Variants in C9orf78 observed in about 807,000 individuals in gnomAD.
C9orf78 encodes splicing factor C9orf78.
C9orf78 carries 19 observed loss-of-function variants against 37.4 expected under a neutral mutation model. That is an observed-to-expected ratio of 0.51 (90% CI 0.35 to 0.74). The LOEUF (loss-of-function observed/expected upper bound fraction) is 0.74, where lower values mean the gene tolerates loss of function less well. Among genes scored for constraint, C9orf78 ranks in the 30% least tolerant of loss-of-function variants. The probability of loss-of-function intolerance (pLI) is 0.01; values close to 1 mark genes in which losing one functional copy is unlikely to be tolerated. For missense variants in C9orf78, 291 were observed against 370.8 expected (o/e 0.78, Z 1.77); for synonymous variants, 130 against 128.0 (o/e 1.02, Z -0.10).
chr9:129,832,023 G>A (rs1489362025), intron 4 of C9orf78, 50 bp from the exon 5 acceptor site: 3 of 859,130 alleles, frequency 3.5e-6, no homozygotes, highest in African/African-American at 1.6e-5. Context: ...AACTCAATGA[G>A]GCTGAGTTTT....
At position 129,828,304 on chromosome 9, in the gene C9orf78, T is replaced by A. The variant is rs772993250; in HGVS notation, c.779-52A>T. 5.7e-6 allele frequency: 6 copies of A among 1,050,836 alleles called. No individual in the cohort carries two copies. In the African/African-American group the frequency reaches 9.4e-5, roughly 16 times the overall value. The allele number at this position is 1,050,836 out of a possible 1,614,324, so 65.1% of individuals were successfully genotyped here. On this transcript the variant is annotated intron_variant, in intron 8 of 8. Coordinates refer to ENST00000372447, the MANE Select transcript of C9orf78 (RefSeq NM_016520.3). ...GGTTTGCCATGCTGGAACCCACTGC[T>A]AGACTTTACTCCATGCAGGCAAAGA...
intron 5 of C9orf78, chr9:129,831,595 T>G: frequency 3.5e-6 from 1 of 282,168 alleles, no homozygotes; most frequent in South Asian, 4.2e-5. Context: ...CAGCTAATTT[T>G]GTATTTTCAG....
rs1159012011 is a variant in C9orf78, at chr9:129,830,812, T to C, written c.542+59A>G. The C allele has an allele frequency of 6.5e-6, 8 of 1,229,940 alleles. No homozygotes were observed. The Admixed American group carries it at 8.5e-5, about 13-fold the overall frequency. 76.2% of individuals were successfully genotyped at this position (1,229,940 alleles called of 1,614,324 possible). ...GGCATGAGCCACCGTGCCTGGCCTG[T>C]CCCCCATAACTTTTAACTGGAAAGC... On this transcript the variant is annotated intron_variant, in intron 6 of 8. Coordinates refer to ENST00000372447, the MANE Select transcript of C9orf78 (RefSeq NM_016520.3).
chr9:129,833,807 G>T, intron 2 of C9orf78, 98 bp from the exon 3 acceptor site: 2 of 800,616 alleles, frequency 2.5e-6, no homozygotes, highest in Non-Finnish European at 4.1e-6. Context: ...TGCAACATTA[G>T]TGCAAGGGTG....
At position 129,835,186 on chromosome 9, in the gene C9orf78, C is replaced by G; in HGVS notation, c.36G>C (p.Arg12=). Residue 12 remains arginine (R), a synonymous_variant, in exon 1 of 9, where the codon CGG becomes CGC. Transcript: ENST00000372447. The stretch of plus-strand genomic sequence containing the variant: ...CATCTTCCTCTGACTCCGAGTCGCC[C>G]CGGCGGCGACGGAAAATCTTCCGGA... The part of the protein sequence containing the change: ...PVVRKIFRRR[R]GDSESEEDEQ... 2 of 1,610,430 alleles carry G rather than the reference C, an allele frequency of 1.2e-6. No individual in the cohort carries two copies. The highest frequency in any genetic ancestry group is 1.7e-6 in the Non-Finnish European group (2 of 1,178,900).
At chr9:129,833,791 G>T in intron 2 of C9orf78, 82 bp from the exon 3 acceptor site, 1 of 971,358 alleles carries the variant, frequency 1.0e-6, no homozygotes, top group Non-Finnish European at 1.6e-6. Context: ...TCTCAGGTAT[G>T]CGGATTGCAA....
chr9:129,829,045 G>GA, intron 8 of C9orf78, 160 bp downstream of exon 8: 1 of 701,388 alleles, frequency 1.4e-6, no homozygotes, highest in South Asian at 1.5e-5. Context: ...CTGAGGCTTA[G>GA]AAAGGGGAAG....
At chr9:129,832,977 G>A (rs1484880654) in intron 4 of C9orf78, among the ~76,000 whole-genome samples, 2 of 147,694 alleles carry the variant, frequency 1.4e-5, no homozygotes, top group Admixed American at 1.4e-4. Context: ...ATATATATAT[G>A]CGTGTGTGTA....
At chr9:129,829,686 G>T in intron 6 of C9orf78, 145 bp from the exon 7 acceptor site, 1 of 679,422 alleles carries the variant, frequency 1.5e-6, no homozygotes, top group Non-Finnish European at 2.5e-6. Flanking sequence ...CACACTTGTA[G>T]TCACATTCTC....
rs1487844332 is a variant in C9orf78, at chr9:129,827,702, T to G, written c.*459A>C. 6.6e-6 allele frequency: 1 copy of G among 152,032 alleles called. No individual in the cohort carries two copies. The highest frequency in any genetic ancestry group is 2.4e-5 in the African/African-American group (1 of 41,360). The allele number at this position is 152,032 out of a possible 1,614,324, so 9.4% of individuals were successfully genotyped here. A position where few individuals can be genotyped will look rare whatever the true frequency, so the allele number is the denominator to read the frequency against. On this transcript the variant is annotated 3_prime_UTR_variant, in exon 9 of 9. Transcript: ENST00000372447. ...GTGCTTGAAAAATCCAGCAGGTAAG[T>G]AGAAGGACTAACAGGGTCTGTTTCT...
chr9:129,833,887 C>T (rs891773357), intron 2 of C9orf78, 178 bp from the exon 3 acceptor site: 46 of 598,662 alleles, frequency 7.7e-5, no homozygotes, highest in Middle Eastern at 4.5e-4. Context: ...CAACGAGCAC[C>T]GCAGATGCTG....
intron 2 of C9orf78, 35 bp from the exon 3 acceptor site, chr9:129,833,744 G>A: frequency 1.3e-6 from 2 of 1,510,350 alleles, no homozygotes; most frequent in East Asian, 2.3e-5. Context: ...GAGGGGGAGA[G>A]AGAGAAATGG....
intron 5 of C9orf78, chr9:129,831,680 T>C: frequency 2.0e-6 from 1 of 496,136 alleles, no homozygotes; most frequent in East Asian, 3.6e-5. Flanking sequence ...TGCCTCGGCC[T>C]CCCAAAGTGC....
chr9:129,835,028 A>C (rs1588227628), intron 1 of C9orf78, 111 bp downstream of exon 1: 1 of 918,610 alleles, frequency 1.1e-6, no homozygotes, highest in Non-Finnish European at 1.7e-6. Flanking sequence ...CGCAGAAGGA[A>C]CCACCACCCG....
Position 129,833,680 on chromosome 9 carries a change from A to G in C9orf78, c.173T>C (p.Val58Ala), listed in dbSNP as rs1435479483. 8.7e-6 allele frequency: 14 copies of G among 1,612,154 alleles called. No homozygotes were observed. The highest frequency in any genetic ancestry group is 1.2e-5 in the Non-Finnish European group (14 of 1,178,734). ...TACCACTAGAGTGGTCTCCTCTTGT[A>G]CCTTCTCTCCCACCAGCAAGGCCAC... Reference protein sequence around the residue: ...SAVALLVGEKVQEETTLVDDP... With the variant: ...SAVALLVGEKAQEETTLVDDP... Residue 58 changes from valine to alanine, a missense_variant, in exon 3 of 9, where the codon GTA (valine) becomes GCA (alanine). Val to Ala is a moderately conservative substitution (Grantham distance 64). This residue lies in a region of C9orf78 where 158 missense variants were observed against 174.8 expected (regional missense o/e 0.90). Coordinates refer to ENST00000372447, the MANE Select transcript of C9orf78 (RefSeq NM_016520.3).
chr9:129,830,635 C>T, intron 6 of C9orf78: 1 of 478,190 alleles, frequency 2.1e-6, no homozygotes, highest in Admixed American at 3.3e-5. Context: ...GCCTCAGCCT[C>T]CCAAGTAGCT....
intron 5 of C9orf78, chr9:129,831,433 T>C (rs2031493397): frequency 7.6e-6 from 2 of 264,506 alleles, no homozygotes; most frequent in South Asian, 5.1e-5. Flanking sequence ...TTTTATTTTT[T>C]ATATTTTGGA....
chr9:129,827,569 G>A lies in C9orf78; in HGVS notation c.*592C>T, dbSNP rs987071481. The A allele has an allele frequency of 1.1e-4, 17 of 152,114 alleles. No individual in the cohort carries two copies. The highest frequency in any genetic ancestry group is 3.9e-4 in the African/African-American group (16 of 41,386). 9.4% of individuals were successfully genotyped at this position (152,114 alleles called of 1,614,324 possible). A position where few individuals can be genotyped will look rare whatever the true frequency, so the allele number is the denominator to read the frequency against. ...CTTCCTGACCCAGAGCAAATATTAA[G>A]AGAAAGACAATATATTTACAAACAA... On this transcript the variant is annotated 3_prime_UTR_variant, in exon 9 of 9. Transcript: ENST00000372447.
chr9:129,829,149 TG>T, intron 8 of C9orf78, 55 bp downstream of exon 8: 1 of 1,260,054 alleles, frequency 7.9e-7, no homozygotes, highest in Non-Finnish European at 1.2e-6. Flanking sequence ...CCTGCCTCCA[TG>T]GGTTCCCACA....
Sources: allele counts gnomAD v4.1 joint callset (sites outside exome capture counted in the v4.1 genomes callset), GRCh38; gene constraint gnomAD v4.1.1; regional missense constraint gnomAD v4.1.1; transcripts MANE v1.5; gene names NCBI Gene and HGNC (gene_info 2026-07-23, HGNC 2026-07-21).